The following HIVEP3 variants were observed in gnomAD, a reference collection of about 807,000 sequenced individuals.
The protein encoded by HIVEP3 is transcription factor HIVEP3.
HIVEP3 carries 49 observed loss-of-function variants against 152.8 expected under a neutral mutation model. That is an observed-to-expected ratio of 0.32 (90% CI 0.26 to 0.41). The LOEUF (loss-of-function observed/expected upper bound fraction) is 0.41. Ranked by LOEUF, HIVEP3 falls within the 10% of genes least tolerant of loss-of-function variation. HIVEP3 has a pLI of 1.00. For missense variants in HIVEP3, 2,790 were observed against 3,103.3 expected, an observed-to-expected ratio of 0.90 and a Z score of 2.40; for synonymous variants, 1,269 against 1,289.0, an observed-to-expected ratio of 0.98 and a Z score of 0.33.
At chr1:41,882,193 T>C (rs942136076) in intron 1 of HIVEP3, among the ~76,000 whole-genome samples, 1 of 152,192 alleles carries the variant, frequency 6.6e-6, no homozygotes, top group Non-Finnish European at 1.5e-5. Context: ...GGCAGGTGTG[T>C]TCCCATGATC....
At position 41,512,890 on chromosome 1, in the gene HIVEP3, G is replaced by C. The variant is rs371175921; in HGVS notation, c.6331C>G (p.Arg2111Gly). 1.9e-6 allele frequency: 3 copies of C among 1,570,010 alleles called. No homozygotes were observed. The East Asian group carries it at 7.1e-5, about 37-fold the overall frequency. The change falls in exon 8 of 9, where the codon CGG (arginine) becomes GGG (glycine). Residue 2111 changes from arginine to glycine, a missense_variant. Physicochemically the swap from Arg to Gly is moderately radical, Grantham distance 125. Around this residue, in one of 9 missense-constraint regions of HIVEP3, gnomAD observed 816 missense variants for 806.5 expected, o/e 1.01. Coordinates refer to ENST00000372583, the MANE Select transcript of HIVEP3 (RefSeq NM_024503.5). ...EHGPGLGLDP[R>G]VLFPPAPLPH... ...AGAGGCGCGGGCGGGAAGAGAACCC[G>C]TGGGTCCAGCCCCAAGCCTGGGCCA...
chr1:41,872,995 T>C (rs1301570895), intron 1 of HIVEP3, among the ~76,000 whole-genome samples: 2 of 152,200 alleles, frequency 1.3e-5, no homozygotes, highest in Non-Finnish European at 2.9e-5. Context: ...ACAGAAATGA[T>C]CAACTGATTT....
At chr1:41,532,888 G>C (rs115448148) in intron 5 of HIVEP3, among the ~76,000 whole-genome samples, 1 of 152,160 alleles carries the variant, frequency 6.6e-6, no homozygotes, top group Non-Finnish European at 1.5e-5. Context: ...GGGTAGTGCC[G>C]ACGGCAGAGA....
chr1:41,623,162 CA>C (rs1645069370), intron 3 of HIVEP3, among the ~76,000 whole-genome samples: 1 of 152,186 alleles, frequency 6.6e-6, no homozygotes, highest in African/African-American at 2.4e-5. Flanking sequence ...ACACAGAACA[CA>C]AATCCTCTAA....
At position 41,551,304 on chromosome 1, in the gene HIVEP3, C is replaced by T. The variant is rs181212175; in HGVS notation, c.5207+24240G>A. On this transcript the variant is annotated intron_variant, in intron 5 of 8. Transcript: ENST00000372583. ...AGTATTTTATTGAGGATTTTTACAT[C>T]GATGTTCATCAGGGATATTGGTCTA... is the stretch of plus-strand genomic sequence containing the variant. Among the ~76,000 whole-genome samples the T allele has an allele frequency of 2.2e-3, 328 of 150,552 alleles. 1 individual carries two copies. The highest frequency in any genetic ancestry group is 3.8e-3 in the Non-Finnish European group (259 of 67,856).
chr1:41,519,323 A>G (rs2149049737), intron 6 of HIVEP3, among the ~76,000 whole-genome samples: 1 of 152,356 alleles, frequency 6.6e-6, no homozygotes, highest in East Asian at 1.9e-4. Context: ...GAGTGGAGGC[A>G]GCAGCTCTGT....
chr1:41,618,012 C>T (rs1486189037), intron 3 of HIVEP3, among the ~76,000 whole-genome samples: 1 of 152,230 alleles, frequency 6.6e-6, no homozygotes, highest in African/African-American at 2.4e-5. Context: ...ATTTCCCCAG[C>T]TCTCTCTGCC....
Position 41,902,558 on chromosome 1 carries a change from C to T in HIVEP3, c.-801+15855G>A, listed in dbSNP as rs187297814. Among the ~76,000 whole-genome samples the T allele has an allele frequency of 4.8e-3, 735 of 152,332 alleles. 2 individuals carry two copies. The highest frequency in any genetic ancestry group is 7.9e-3 in the Non-Finnish European group (539 of 68,026). On this transcript the variant is annotated intron_variant, in intron 1 of 8. Transcript: ENST00000372583. ...CTGTCATGGCCAGGACAGAAACTCCCAGCCACTCCAACTCTCTTGGCAAGA... is the reference window on the plus strand; with the variant it reads ...CTGTCATGGCCAGGACAGAAACTCCTAGCCACTCCAACTCTCTTGGCAAGA...
chr1:41,725,860 G>A (rs1646744600), intron 1 of HIVEP3, among the ~76,000 whole-genome samples: 1 of 152,150 alleles, frequency 6.6e-6, no homozygotes, highest in Non-Finnish European at 1.5e-5. Context: ...AAGCCTCCCC[G>A]ACATTCTATA....
chr1:41,616,818 G>C (rs998438517), intron 3 of HIVEP3, among the ~76,000 whole-genome samples: 3 of 152,104 alleles, frequency 2.0e-5, no homozygotes, highest in South Asian at 2.1e-4. Flanking sequence ...CTTCCTCATG[G>C]ACAGTCTTTC....
chr1:42,025,997 G>C (rs1645579796), intron 1 of HIVEP3, among the ~76,000 whole-genome samples: 1 of 151,992 alleles, frequency 6.6e-6, no homozygotes, highest in African/African-American at 2.4e-5. Flanking sequence ...TTGAACCCAG[G>C]AGGTTGAAGC....
intron 2 of HIVEP3, among the ~76,000 whole-genome samples, chr1:41,651,397 G>A (rs1645546711): frequency 8.0e-6 from 1 of 125,568 alleles, no homozygotes; most frequent in Admixed American, 9.6e-5. Context: ...GGCAACAAGA[G>A]CGAAACTCCA....
intron 1 of HIVEP3, among the ~76,000 whole-genome samples, chr1:41,859,431 A>G (rs1424914495): frequency 1.3e-5 from 2 of 152,224 alleles, no homozygotes; most frequent in Non-Finnish European, 2.9e-5. Flanking sequence ...TTAAACAAAA[A>G]TGGGGTCATA....
intron 2 of HIVEP3, among the ~76,000 whole-genome samples, chr1:41,675,795 G>T (rs1645945396): frequency 6.6e-6 from 1 of 152,230 alleles, no homozygotes; most frequent in Admixed American, 6.5e-5. Context: ...CTCAATATGG[G>T]TGTAGAGGAA....
intron 2 of HIVEP3, among the ~76,000 whole-genome samples, chr1:41,695,451 C>T (rs1362495788): frequency 6.6e-6 from 1 of 152,220 alleles, no homozygotes; most frequent in African/African-American, 2.4e-5. Flanking sequence ...AATACATTTA[C>T]TGGACTTGAC....
intron 5 of HIVEP3, among the ~76,000 whole-genome samples, chr1:41,551,135 A>G (rs1347287499): frequency 6.6e-6 from 1 of 152,168 alleles, no homozygotes; most frequent in Non-Finnish European, 1.5e-5. Flanking sequence ...TGAGATAATC[A>G]TGTGGTTTTT....
intron 5 of HIVEP3, among the ~76,000 whole-genome samples, chr1:41,545,043 A>ACCACCACCACCACCACCACCACCACCT: frequency 1.1e-5 from 1 of 88,352 alleles, no homozygotes; most frequent in Non-Finnish European, 2.8e-5. Context: ...CACCAATACC[A>ACCACCACCACCACCACCACCACCACCT]CTACCACCAC....
At chr1:41,719,898 G>C (rs1646651084) in intron 1 of HIVEP3, among the ~76,000 whole-genome samples, 1 of 152,216 alleles carries the variant, frequency 6.6e-6, no homozygotes, top group African/African-American at 2.4e-5. Context: ...AGGAAGCCCA[G>C]ACGCTTCCTG....
chr1:41,563,368 TA>T (rs36117218), intron 5 of HIVEP3, among the ~76,000 whole-genome samples: 29,859 of 147,052 alleles, frequency 0.2, 3,684 homozygotes, highest in East Asian at 0.47. Context: ...AGATAAAAAT[TA>T]AAAAAAAAAA....
Sources: allele counts gnomAD v4.1 joint callset (sites outside exome capture counted in the v4.1 genomes callset), GRCh38; gene constraint gnomAD v4.1.1; regional missense constraint gnomAD v4.1.1; transcripts MANE v1.5; gene names NCBI Gene and HGNC (gene_info 2026-07-23, HGNC 2026-07-21).